Variants in MAN1A1 observed in about 807,000 individuals in gnomAD.
The protein encoded by MAN1A1 is mannosyl-oligosaccharide 1,2-alpha-mannosidase IA.
A neutral mutation model predicts 70.8 loss-of-function variants in MAN1A1; 29 were observed. The observed-to-expected ratio is 0.41, with a 90% CI of 0.31 to 0.56. The LOEUF (loss-of-function observed/expected upper bound fraction) is 0.56. Among genes scored for constraint, MAN1A1 ranks in the 20% least tolerant of loss-of-function variants. MAN1A1 has a pLI of 0.29. For missense variants in MAN1A1, 747 were observed against 841.3 expected, an observed-to-expected ratio of 0.89 and a Z score of 1.39; for synonymous variants, 349 against 330.1, an observed-to-expected ratio of 1.06 and a Z score of -0.62.
At position 119,282,124 on chromosome 6, in the gene MAN1A1, C is replaced by T. The variant is rs760413486; in HGVS notation, c.897+8559G>A. Among the ~76,000 whole-genome samples, 5 of 152,036 alleles carry T rather than the reference C, an allele frequency of 3.3e-5. No homozygotes were observed. The East Asian group carries it at 7.7e-4, about 24-fold the overall frequency. ...ACTGAATTTTCTGACTTTCCCTTTC[C>T]GTTAGGTTTCAAGCACTCACTTGGC... On this transcript the variant is annotated intron_variant, in intron 5 of 12. Coordinates refer to ENST00000368468, the MANE Select transcript of MAN1A1 (RefSeq NM_005907.4).
intron 4 of MAN1A1, 33 bp from the exon 5 acceptor site, chr6:119,290,796 G>A: frequency 1.5e-6 from 2 of 1,329,822 alleles, no homozygotes; most frequent in Admixed American, 1.8e-5. Context: ...CATGATGATA[G>A]TACACAATTC....
At chr6:119,327,248 T>C (rs1375692291) in intron 2 of MAN1A1, 2 of 152,184 alleles carry the variant, frequency 1.3e-5, no homozygotes, top group African/African-American at 2.4e-5. Flanking sequence ...CAGGACTCCA[T>C]GTGATGTTGC....
At chr6:119,285,029 G>A (rs1004363860) in intron 5 of MAN1A1, among the ~76,000 whole-genome samples, 1 of 147,314 alleles carries the variant, frequency 6.8e-6, no homozygotes, top group Non-Finnish European at 1.5e-5. Context: ...GCTTCTGGTG[G>A]GGCCCTCAGG....
intron 2 of MAN1A1, among the ~76,000 whole-genome samples, chr6:119,336,503 A>G (rs1418790580): frequency 1.3e-5 from 2 of 152,244 alleles, no homozygotes; most frequent in African/African-American, 4.8e-5. Context: ...AGGAATATTA[A>G]TAGTCATCTG....
At chr6:119,213,081 G>T (rs975253574) in intron 6 of MAN1A1, among the ~76,000 whole-genome samples, 7 of 152,142 alleles carry the variant, frequency 4.6e-5, no homozygotes, top group Non-Finnish European at 8.8e-5. Flanking sequence ...GCTGCATGAG[G>T]TAAGTTTAGA....
At chr6:119,243,238 T>G (rs186968012) in intron 6 of MAN1A1, among the ~76,000 whole-genome samples, 40 of 152,188 alleles carry the variant, frequency 2.6e-4, no homozygotes, top group African/African-American at 9.4e-4. Context: ...ATCAATTTGA[T>G]CTTATGTTCA....
At chr6:119,293,803 T>C (rs1191643502) in intron 4 of MAN1A1, among the ~76,000 whole-genome samples, 1 of 152,010 alleles carries the variant, frequency 6.6e-6, no homozygotes, top group Non-Finnish European at 1.5e-5. Context: ...CCACACCAAA[T>C]TGGTTGGCTA....
At chr6:119,284,619 T>C (rs1318959418) in intron 5 of MAN1A1, among the ~76,000 whole-genome samples, 1 of 152,186 alleles carries the variant, frequency 6.6e-6, no homozygotes, top group Admixed American at 6.5e-5. Flanking sequence ...TTTTTCTTAA[T>C]GCAGACCTTT....
At chr6:119,202,638 TGTAAGTAAC>T (rs1773744881) in intron 7 of MAN1A1, among the ~76,000 whole-genome samples, 1 of 152,134 alleles carries the variant, frequency 6.6e-6, no homozygotes, top group Non-Finnish European at 1.5e-5. Context: ...ACCACAAACA[TGTAAGTAAC>T]GCATTGCACT....
intron 2 of MAN1A1, among the ~76,000 whole-genome samples, chr6:119,325,658 G>A (rs1391145753): frequency 6.6e-6 from 1 of 152,086 alleles, no homozygotes; most frequent in African/African-American, 2.4e-5. Context: ...GTCGCCGGGG[G>A]CAGGGGGATG....
intron 6 of MAN1A1, among the ~76,000 whole-genome samples, chr6:119,246,280 T>C (rs1441528472): frequency 2.0e-5 from 3 of 152,172 alleles, no homozygotes; most frequent in African/African-American, 7.2e-5. Flanking sequence ...CTTCACAGAA[T>C]TTAAGAGAAG....
intron 5 of MAN1A1, among the ~76,000 whole-genome samples, chr6:119,264,074 T>C (rs6911026): frequency 0.055 from 8,416 of 152,292 alleles, 333 homozygotes; most frequent in African/African-American, 0.1. Context: ...ATTCTGCTCA[T>C]TGTAGAGAGA....
At chr6:119,342,791 T>C (rs1285894886) in intron 2 of MAN1A1, among the ~76,000 whole-genome samples, 2 of 152,210 alleles carry the variant, frequency 1.3e-5, no homozygotes, top group Non-Finnish European at 1.5e-5. Flanking sequence ...TTATCCATGG[T>C]GCAATATCAG....
At chr6:119,256,965 T>C (rs1044539380) in intron 5 of MAN1A1, among the ~76,000 whole-genome samples, 5 of 152,108 alleles carry the variant, frequency 3.3e-5, no homozygotes, top group Non-Finnish European at 7.4e-5. Context: ...GCATAAGATA[T>C]ACAACACAAA....
chr6:119,191,796 G>A (rs4946402), intron 9 of MAN1A1, among the ~76,000 whole-genome samples: 108,358 of 152,048 alleles, frequency 0.71, 40,919 homozygotes, highest in Non-Finnish European at 0.83. Flanking sequence ...TCTACTTGAA[G>A]CTACAACAGA....
intron 10 of MAN1A1, 66 bp downstream of exon 10, chr6:119,189,598 T>C: frequency 6.8e-7 from 1 of 1,475,600 alleles, no homozygotes; most frequent in East Asian, 2.3e-5. Flanking sequence ...AGGGCAGCAA[T>C]GACAAAACTG....
intron 12 of MAN1A1, 102 bp from the exon 13 acceptor site, chr6:119,180,047 C>G (rs1324277988): frequency 1.6e-6 from 2 of 1,262,982 alleles, no homozygotes; most frequent in African/African-American, 3.0e-5. Flanking sequence ...TTCATCTTAC[C>G]AAGAAACATG....
At chr6:119,181,548 ATTTAATGAATATTTG>A (rs771474110) in intron 11 of MAN1A1, among the ~76,000 whole-genome samples, 1 of 151,964 alleles carries the variant, frequency 6.6e-6, no homozygotes, top group Non-Finnish European at 1.5e-5. Flanking sequence ...AGTTGTCTGA[ATTTAATGAATATTTG>A]GAAAACAGAT....
chr6:119,246,952 A>C (rs1171533088), intron 6 of MAN1A1, among the ~76,000 whole-genome samples: 1 of 152,134 alleles, frequency 6.6e-6, no homozygotes, highest in Non-Finnish European at 1.5e-5. Flanking sequence ...TTAATATCTC[A>C]GTTTAACATG....
Sources: gnomAD v4.1 joint callset for allele counts (sites outside exome capture counted in the v4.1 genomes callset) on GRCh38, gnomAD v4.1.1 for gene constraint, MANE v1.5 for transcripts, NCBI Gene and HGNC (gene_info 2026-07-23, HGNC 2026-07-21) for gene names.